Variants in PHC2 observed in about 807,000 individuals in gnomAD.
The protein encoded by PHC2 is polyhomeotic homolog 2, also known as polyhomeotic-like protein 2.
In PHC2, 29 loss-of-function variants were observed where a neutral mutation model predicts 87.4. The ratio of observed to expected loss-of-function variants is 0.33; its 90% CI spans 0.25 to 0.45. The LOEUF (loss-of-function observed/expected upper bound fraction) is 0.45. Ranked by LOEUF, PHC2 falls within the 20% of genes least tolerant of loss-of-function variation. PHC2 has a pLI of 1.00. For missense variants in PHC2, 857 were observed against 1,136.7 expected, an observed-to-expected ratio of 0.75 and a Z score of 3.54; for synonymous variants, 438 against 461.7, an observed-to-expected ratio of 0.95 and a Z score of 0.66.
At chr1:33,325,890 G>C (rs764917844) in intron 14 of PHC2, 7 of 456,504 alleles carry the variant, frequency 1.5e-5, no homozygotes, top group South Asian at 4.6e-5. Context: ...TGTGGAAAGC[G>C]TGAGTGTCTA....
At chr1:33,356,079 TTTC>T (rs1311476205) in intron 7 of PHC2, among the ~76,000 whole-genome samples, 1 of 151,880 alleles carries the variant, frequency 6.6e-6, no homozygotes, top group Non-Finnish European at 1.5e-5. Context: ...GTTGTAATTG[TTTC>T]TTATCTGTCT....
chr1:33,404,925 C>T (rs1326213493), intron 1 of PHC2, among the ~76,000 whole-genome samples: 1 of 151,938 alleles, frequency 6.6e-6, no homozygotes. Flanking sequence ...TAATGAAGAC[C>T]CTATGAGAGA....
At chr1:33,365,989 C>G (rs563059513) in intron 7 of PHC2, among the ~76,000 whole-genome samples, 10 of 152,370 alleles carry the variant, frequency 6.6e-5, no homozygotes, top group Admixed American at 3.3e-4. Context: ...CACACTGTAC[C>G]TGGTACTTAG....
Position 33,367,933 on chromosome 1 carries a change from C to T in PHC2, c.664-505G>A, listed in dbSNP as rs141502144. Among the ~76,000 whole-genome samples, 47 of 152,336 alleles carry T rather than the reference C, an allele frequency of 3.1e-4. No homozygotes were observed. In the East Asian group the frequency reaches 7.7e-3, roughly 25 times the overall value. ...AGACGGCCGGCATGCTTACTCAGCC[C>T]GGTCCCTGGCGCCCTCTGCTGGACA... is the stretch of plus-strand genomic sequence containing the variant. On this transcript the variant is annotated intron_variant, in intron 6 of 14. Transcript: ENST00000683057.
chr1:33,343,795 T>C (rs1371216673), intron 9 of PHC2, among the ~76,000 whole-genome samples: 1 of 152,220 alleles, frequency 6.6e-6, no homozygotes, highest in African/African-American at 2.4e-5. Flanking sequence ...AGGTTTGTGT[T>C]CCTCAGACGT....
intron 7 of PHC2, among the ~76,000 whole-genome samples, chr1:33,357,384 C>T (rs930103251): frequency 4.6e-5 from 7 of 152,020 alleles, no homozygotes; most frequent in Admixed American, 1.3e-4. Context: ...CCCAGCCCAA[C>T]GTGAAATTCC....
At position 33,349,910 on chromosome 1, in the gene PHC2, G is replaced by T. The variant is rs907936809; in HGVS notation, c.1558+4491C>A. ...CCGCGGAGACAATGCGGCGAGTCTG[G>T]GACGGCTCCCGCGGCCGCCTCCGCC... On this transcript the variant is annotated intron_variant, in intron 9 of 14. Transcript: ENST00000683057. The surrounding 1 kb of genome is among the most constrained non-coding windows in gnomAD (Gnocchi z 4.2). 46 of 973,626 alleles carry T rather than the reference G, an allele frequency of 4.7e-5. No individual in the cohort carries two copies. In the African/African-American group the frequency reaches 7.7e-4, roughly 16 times the overall value. The allele number at this position is 973,626 out of a possible 1,614,324, so 60.3% of individuals were successfully genotyped here.
chr1:33,347,434 G>C, intron 9 of PHC2: 1 of 985,330 alleles, frequency 1.0e-6, no homozygotes, highest in Non-Finnish European at 1.2e-6. Flanking sequence ...TATATGGAGT[G>C]AGCTTGACAA....
intron 9 of PHC2, among the ~76,000 whole-genome samples, chr1:33,351,951 C>CAAAAAAAAAAAAAA (rs10718909): frequency 2.3e-5 from 2 of 87,450 alleles, no homozygotes; most frequent in Non-Finnish European, 2.1e-5. Flanking sequence ...GAATGCATCT[C>CAAAAAAAAAAAAAA]AAAAAAAAAA....
At chr1:33,335,221 T>C in intron 9 of PHC2, 1 of 985,392 alleles carries the variant, frequency 1.0e-6, no homozygotes, top group Non-Finnish European at 1.2e-6. Flanking sequence ...ACAGCATCTC[T>C]CATGAGCTGT....
Position 33,364,662 on chromosome 1 carries a change from T to TG in PHC2, c.976+2453dup, listed in dbSNP as rs1389382838. 2.6e-5 allele frequency among the ~76,000 whole-genome samples: 4 copies of TG among 151,502 alleles called. No homozygotes were observed. The highest frequency in any genetic ancestry group is 7.3e-5 in the African/African-American group (3 of 41,158). On this transcript the variant is annotated intron_variant, in intron 7 of 14. Transcript: ENST00000683057. This position sits in a 1 kb window ranked among gnomAD's most constrained non-coding sequence, Gnocchi z 4.1. ...CTGCCTTCCATATGGGAGGTGGGAG[T>TG]GGGGCAGCGCCATCTCTGGGCTTAC... is the stretch of plus-strand genomic sequence containing the variant.
chr1:33,388,492 T>G (rs1432607805), intron 1 of PHC2, among the ~76,000 whole-genome samples: 1 of 151,856 alleles, frequency 6.6e-6, no homozygotes, highest in East Asian at 1.9e-4. Context: ...CCCAGCTAAT[T>G]TTTTGTATTT....
chr1:33,381,029 G>A (rs1349903868), intron 1 of PHC2, among the ~76,000 whole-genome samples: 1 of 152,118 alleles, frequency 6.6e-6, no homozygotes, highest in Admixed American at 6.5e-5. Context: ...AATTTTTCAT[G>A]TAACCAACTC....
chr1:33,398,074 A>G (rs1007133442), intron 1 of PHC2, among the ~76,000 whole-genome samples: 1 of 152,200 alleles, frequency 6.6e-6, no homozygotes, highest in African/African-American at 2.4e-5. Flanking sequence ...CTGCCATTAG[A>G]TCATCTAGCC....
chr1:33,350,777 C>G (rs1484570290), intron 9 of PHC2, among the ~76,000 whole-genome samples: 1 of 152,104 alleles, frequency 6.6e-6, no homozygotes, highest in Admixed American at 6.6e-5. Flanking sequence ...TTTACATTCC[C>G]CGAATATTTA....
chr1:33,332,942 A>G lies in PHC2; in HGVS notation c.1762-538T>C, dbSNP rs1425559200. Among the ~76,000 whole-genome samples, 2 of 152,114 alleles carry G rather than the reference A, an allele frequency of 1.3e-5. No homozygotes were observed. The highest frequency in any genetic ancestry group is 4.8e-5 in the African/African-American group (2 of 41,420). ...AGCCAATGAACTCTCAGTTGTCAGA[A>G]CCCCAGAGCAGCTTATTTACGCGTT... On this transcript the variant is annotated intron_variant, in intron 10 of 14. Coordinates refer to ENST00000683057, the MANE Select transcript of PHC2 (RefSeq NM_001385109.1). The surrounding 1 kb of genome is among the most constrained non-coding windows in gnomAD (Gnocchi z 4.2).
intron 1 of PHC2, among the ~76,000 whole-genome samples, chr1:33,411,453 G>T (rs4653127): frequency 0.71 from 107,269 of 150,032 alleles, 39,085 homozygotes; most frequent in African/African-American, 0.86. Flanking sequence ...TCTGTTTTTT[G>T]TTGTTGTTGT....
intron 7 of PHC2, among the ~76,000 whole-genome samples, chr1:33,366,091 T>G (rs565051266): frequency 8.3e-4 from 126 of 152,394 alleles, no homozygotes; most frequent in South Asian, 1.9e-3. Context: ...ATAAAAATCC[T>G]ATCTTATTTT....
At chr1:33,371,370 G>C (rs374871758) in intron 3 of PHC2, among the ~76,000 whole-genome samples, 4 of 152,190 alleles carry the variant, frequency 2.6e-5, no homozygotes, top group African/African-American at 4.8e-5. Flanking sequence ...CACCGCCTTC[G>C]GTGTGTGGAG....
Sources: allele counts gnomAD v4.1 joint callset (sites outside exome capture counted in the v4.1 genomes callset), GRCh38; gene constraint gnomAD v4.1.1; non-coding constraint Gnocchi (gnomAD v3.1); transcripts MANE v1.5; gene names NCBI Gene and HGNC (gene_info 2026-07-23, HGNC 2026-07-21).